The following SHISA9 variants were observed in gnomAD, a reference collection of about 807,000 sequenced individuals.
The protein encoded by SHISA9 is shisa family member 9, also known as protein shisa-9.
In SHISA9, 13 loss-of-function variants were observed where a neutral mutation model predicts 38.0. The observed-to-expected ratio is 0.34, with a 90% CI of 0.22 to 0.54. SHISA9 has a LOEUF of 0.54. Ranked by LOEUF, SHISA9 falls within the 20% of genes least tolerant of loss-of-function variation. The pLI, the probability that SHISA9 is intolerant of heterozygous loss-of-function variation, is 0.91. For synonymous variants in SHISA9, 275 were observed against 242.0 expected (o/e 1.14, Z -1.27); for missense variants, 538 against 575.8 (o/e 0.93, Z 0.67).
rs892963950 is a variant in SHISA9, at chr16:13,127,700, C to G, written c.692-75694C>G. 3.3e-5 allele frequency among the ~76,000 whole-genome samples: 5 copies of G among 152,132 alleles called. No individual in the cohort carries two copies. The East Asian group carries it at 9.7e-4, about 30-fold the overall frequency. ...AGGGTAAGCTTAGGAATTTTTTATT[C>G]CAGAAGACCCAATTCTCTGTAAGCC... On this transcript the variant is annotated intron_variant, in intron 2 of 4. Coordinates refer to ENST00000558583, the MANE Select transcript of SHISA9 (RefSeq NM_001145204.3).
chr16:13,483,527 C>T, the SHISA9 span, among the ~76,000 whole-genome samples: 188 of 152,266 alleles, frequency 1.2e-3, no homozygotes, highest in African/African-American at 4.2e-3. Flanking sequence ...ATCCATGGCT[C>T]ATAGCTTCCA....
chr16:13,514,241 C>A, the SHISA9 span, among the ~76,000 whole-genome samples: 1 of 151,906 alleles, frequency 6.6e-6, no homozygotes, highest in African/African-American at 2.4e-5. Context: ...GACCTGCCCG[C>A]CTAGACCTCC....
intron 2 of SHISA9, among the ~76,000 whole-genome samples, chr16:13,151,112 T>G (rs1335912725): frequency 6.6e-6 from 1 of 152,130 alleles, no homozygotes; most frequent in Non-Finnish European, 1.5e-5. Context: ...CACTTTTATT[T>G]TTATTTTTAT....
chr16:13,385,994 G>C, the SHISA9 span, among the ~76,000 whole-genome samples: 2 of 152,182 alleles, frequency 1.3e-5, no homozygotes, highest in Non-Finnish European at 2.9e-5. Context: ...CAGGGCAAGA[G>C]GGAAGTGTGT....
intron 2 of SHISA9, among the ~76,000 whole-genome samples, chr16:13,159,911 T>C (rs749532448): frequency 1.2e-4 from 18 of 152,248 alleles, no homozygotes; most frequent in Non-Finnish European, 2.5e-4. Context: ...GAGGGCCTAC[T>C]ATGTGCCAGG....
the SHISA9 span, among the ~76,000 whole-genome samples, chr16:13,381,003 C>T: frequency 6.6e-6 from 1 of 152,030 alleles, no homozygotes; most frequent in African/African-American, 2.4e-5. Flanking sequence ...ATGAACTCAT[C>T]CTTTTTTATG....
At chr16:13,043,222 G>C (rs2073151666) in intron 2 of SHISA9, among the ~76,000 whole-genome samples, 2 of 152,124 alleles carry the variant, frequency 1.3e-5, no homozygotes, top group South Asian at 4.1e-4. Context: ...TCAGAGGAGT[G>C]GCATATCCCG....
chr16:13,000,685 G>A (rs913626192), intron 2 of SHISA9, among the ~76,000 whole-genome samples: 3 of 152,144 alleles, frequency 2.0e-5, no homozygotes, highest in Admixed American at 6.5e-5. Context: ...GGAGGGCTAC[G>A]GGGGATGACG....
At chr16:13,338,462 G>A in the SHISA9 span, among the ~76,000 whole-genome samples, 1 of 152,202 alleles carries the variant, frequency 6.6e-6, no homozygotes, top group Admixed American at 6.5e-5. Context: ...AAGAGTATGT[G>A]TTGAGGCTGA....
At chr16:12,943,551 A>T (rs776329703) in intron 2 of SHISA9, among the ~76,000 whole-genome samples, 2 of 152,178 alleles carry the variant, frequency 1.3e-5, no homozygotes, top group Non-Finnish European at 2.9e-5. Context: ...TGGAATAAAT[A>T]AATGATAAGA....
rs138930234 is a variant in SHISA9 at position 13,129,747 on chromosome 16, T to G, written c.692-73647T>G. On this transcript the variant is annotated intron_variant, in intron 2 of 4. Transcript: ENST00000558583. ...TGCATCTTCAATGGATGGTCCCATATGTTCAGCAGGGGAAGTCTGACCTCT... is the reference window on the plus strand; with the variant it reads ...TGCATCTTCAATGGATGGTCCCATAGGTTCAGCAGGGGAAGTCTGACCTCT... Among the ~76,000 whole-genome samples, 646 of 152,290 alleles carry G rather than the reference T, an allele frequency of 4.2e-3. 8 individuals carry two copies. Among genetic ancestry groups the G allele is most frequent in the African/African-American group, 0.015 (616 of 41,568 alleles).
rs953442730 is a variant in SHISA9 at position 12,999,728 on chromosome 16, G to A, written c.691+82913G>A. On this transcript the variant is annotated intron_variant, in intron 2 of 4. Transcript: ENST00000558583. The stretch of plus-strand genomic sequence containing the variant: ...GAGTTTATGGTGATGCCCCAACAGG[G>A]TATGCTGACATGTAGTTTGGGAACT... Among the ~76,000 whole-genome samples the A allele has an allele frequency of 9.9e-5, 15 of 152,270 alleles. 1 individual carries two copies. Among genetic ancestry groups the A allele is most frequent in the African/African-American group, 3.6e-4 (15 of 41,554 alleles).
At chr16:13,497,007 A>G in the SHISA9 span, among the ~76,000 whole-genome samples, 2 of 152,220 alleles carry the variant, frequency 1.3e-5, no homozygotes, top group South Asian at 4.1e-4. Flanking sequence ...TTCAAAGCTT[A>G]ATACAATTAT....
At chr16:12,964,317 C>T (rs1284249612) in intron 2 of SHISA9, among the ~76,000 whole-genome samples, 2 of 151,950 alleles carry the variant, frequency 1.3e-5, no homozygotes, top group Non-Finnish European at 2.9e-5. Context: ...CAAATTAATT[C>T]CATGGAGCAC....
At chr16:13,476,754 T>G in the SHISA9 span, among the ~76,000 whole-genome samples, 181 of 133,758 alleles carry the variant, frequency 1.4e-3, no homozygotes, top group African/African-American at 4.6e-3. Flanking sequence ...TTTTTTTTTT[T>G]TTTTTTTTTT....
intron 2 of SHISA9, among the ~76,000 whole-genome samples, chr16:13,081,004 C>T (rs2073642262): frequency 6.6e-6 from 1 of 152,166 alleles, no homozygotes; most frequent in African/African-American, 2.4e-5. Context: ...ATGAGGGCTC[C>T]ACCCTCATTA....
the SHISA9 span, among the ~76,000 whole-genome samples, chr16:13,500,379 CA>C: frequency 6.6e-4 from 100 of 152,226 alleles, no homozygotes; most frequent in African/African-American, 2.1e-3. Context: ...GTCTTCATAG[CA>C]GTGTGAGAAA....
At chr16:12,917,507 G>A (rs1266243140) in intron 2 of SHISA9, among the ~76,000 whole-genome samples, 1 of 152,180 alleles carries the variant, frequency 6.6e-6, no homozygotes, top group Non-Finnish European at 1.5e-5. Context: ...CACAGAGCAT[G>A]ACTGGGGATC....
chr16:13,236,730 G>A lies in SHISA9; in HGVS notation c.*1321G>A, dbSNP rs1278614661. On this transcript the variant is annotated 3_prime_UTR_variant, in exon 5 of 5. Transcript: ENST00000558583. Reference sequence around the variant, plus strand: ...TCTGAGGGGCTGCTACAATGTCAGGGGTACCCAAGAACGAAGACCTCCCTA... The same window carrying A: ...TCTGAGGGGCTGCTACAATGTCAGGAGTACCCAAGAACGAAGACCTCCCTA... The A allele has an allele frequency of 6.6e-6, 1 of 152,000 alleles. No homozygotes were observed. Among genetic ancestry groups the A allele is most frequent in the Non-Finnish European group, 1.5e-5 (1 of 68,010 alleles). The allele number at this position is 152,000 out of a possible 1,614,324, so 9.4% of individuals were successfully genotyped here.
Sources: gnomAD v4.1 joint callset for allele counts (sites outside exome capture counted in the v4.1 genomes callset) on GRCh38, gnomAD v4.1.1 for gene constraint, MANE v1.5 for transcripts, NCBI Gene and HGNC (gene_info 2026-07-23, HGNC 2026-07-21) for gene names.